Variants in MYO7B observed in about 807,000 individuals in gnomAD.
MYO7B encodes unconventional myosin-VIIb.
MYO7B carries 212 observed loss-of-function variants against 259.7 expected under a neutral mutation model. The observed-to-expected ratio is 0.82, with a 90% CI of 0.73 to 0.91. The LOEUF is 0.91. MYO7B is among the 40% of genes least tolerant of loss of function. The pLI is 0.00. For synonymous variants in MYO7B, 1,197 were observed against 1,166.4 expected (o/e 1.03, Z -0.54); for missense variants, 2,732 against 2,813.5 (o/e 0.97, Z 0.66).
At chr2:127,548,519 G>C (rs942379956) in intron 1 of MYO7B, among the ~76,000 whole-genome samples, 1 of 151,138 alleles carries the variant, frequency 6.6e-6, no homozygotes, top group Non-Finnish European at 1.5e-5. Context: ...AGGTTCAAGC[G>C]ATTCTCCTGC....
At chr2:127,605,452 T>A (rs1680126812) in intron 19 of MYO7B, among the ~76,000 whole-genome samples, 1 of 152,136 alleles carries the variant, frequency 6.6e-6, no homozygotes, top group Admixed American at 6.5e-5. Context: ...AAAAATTAGC[T>A]GGGCGTGGTG....
chr2:127,607,355 A>C lies in MYO7B; in HGVS notation c.2574A>C (p.Ala858=). The change falls in exon 21 of 48, where the codon GCA becomes GCC. Residue 858 remains alanine, a synonymous_variant. Transcript: ENST00000409816. The surrounding 1 kb of genome is among the most constrained non-coding windows in gnomAD (Gnocchi z 4.4). ...VRQQVQAKRR[A]VVVIQAHARG... The stretch of plus-strand genomic sequence containing the variant: ...AGCAAGTCCAGGCCAAGAGGAGGGC[A>C]GTGGTGGTCATTCAGGCCCATGCCA... The C allele has an allele frequency of 1.3e-6, 2 of 1,551,460 alleles. No individual in the cohort carries two copies. The highest frequency in any genetic ancestry group is 1.7e-6 in the Non-Finnish European group (2 of 1,146,858).
Position 127,584,762 on chromosome 2 carries a change from G to A in MYO7B, c.1555-16G>A, listed in dbSNP as rs373438202. 7 of 1,613,524 alleles carry A rather than the reference G, an allele frequency of 4.3e-6. No homozygotes were observed. The African/African-American group carries it at 5.3e-5, about 12-fold the overall frequency. ...ACTCTGGGACCTCAGCCCACAGGGT[G>A]TCTGGGTTCTTCCAGGGGACAGATC... On this transcript the variant is annotated splice_polypyrimidine_tract_variant and intron_variant, in intron 13 of 47. Coordinates refer to ENST00000409816, the MANE Select transcript of MYO7B (RefSeq NM_001393586.1). The surrounding 1 kb of genome is among the most constrained non-coding windows in gnomAD (Gnocchi z 5.8).
At chr2:127,612,626 GC>G in intron 26 of MYO7B, 23 bp downstream of exon 26, 1 of 1,606,098 alleles carries the variant, frequency 6.2e-7, no homozygotes. Context: ...TCCCATCCCG[GC>G]CCCATTCAGA....
intron 16 of MYO7B, 95 bp from the exon 17 acceptor site, chr2:127,592,698 CT>C (rs1679603904): frequency 6.7e-7 from 1 of 1,489,444 alleles, no homozygotes; most frequent in South Asian, 1.3e-5. Context: ...ACACTGACCT[CT>C]GGCTGTGGGC....
intron 18 of MYO7B, among the ~76,000 whole-genome samples, chr2:127,595,009 C>T (rs1018082524): frequency 1.3e-5 from 2 of 152,060 alleles, no homozygotes; most frequent in East Asian, 1.9e-4. Context: ...GGGAGGAGTC[C>T]CTGCTTTTCA....
chr2:127,583,185 G>A (rs933816496), intron 12 of MYO7B, among the ~76,000 whole-genome samples: 3 of 152,260 alleles, frequency 2.0e-5, no homozygotes, highest in African/African-American at 7.2e-5. Flanking sequence ...CCAGGAAGCA[G>A]AGCTCCTCTG....
rs13006332 is a variant in MYO7B at position 127,577,696 on chromosome 2, C to T, written c.850-437C>T. 0.026 allele frequency among the ~76,000 whole-genome samples: 3,931 copies of T among 152,306 alleles called. 68 individuals carry two copies. Among genetic ancestry groups the T allele is most frequent in the Middle Eastern group, 0.051 (15 of 294 alleles). ...CTCCACCTCTCGATAGGGCTGGCCC[C>T]GGCCCCTGTGGTCTGGGCACCTGTA... On this transcript the variant is annotated intron_variant, in intron 8 of 47. Transcript: ENST00000409816. The surrounding 1 kb of genome is among the most constrained non-coding windows in gnomAD (Gnocchi z 5.2).
At chr2:127,536,322 G>A (rs545475692) in intron 1 of MYO7B, among the ~76,000 whole-genome samples, 3 of 152,282 alleles carry the variant, frequency 2.0e-5, no homozygotes, top group Non-Finnish European at 4.4e-5. Flanking sequence ...CCATGGAAGC[G>A]AAGGTGCCCA....
Position 127,636,312 on chromosome 2 carries a change from CTTCGAGG to C in MYO7B, c.6113_6119del (p.Phe2038Ter). The C allele has an allele frequency of 1.9e-6, 3 of 1,613,286 alleles. No individual in the cohort carries two copies. Among genetic ancestry groups the C allele is most frequent in the Non-Finnish European group, 2.5e-6 (3 of 1,179,702 alleles). On this transcript the variant is annotated frameshift_variant, in exon 45 of 48. Coordinates refer to ENST00000409816, the MANE Select transcript of MYO7B (RefSeq NM_001393586.1). LOFTEE classifies it high-confidence loss of function. This position sits in a 1 kb window ranked among gnomAD's most constrained non-coding sequence, Gnocchi z 4.5. ...GGTGGCCCACCTTCGGATCCGCCTT[CTTCGAGG>C]TGAAGGTAAACCTTGCCCCACGCCA...
At chr2:127,630,028 C>T (rs971481306) in intron 35 of MYO7B, among the ~76,000 whole-genome samples, 1 of 152,220 alleles carries the variant, frequency 6.6e-6, no homozygotes, top group Non-Finnish European at 1.5e-5. Context: ...AGTAGGTCCT[C>T]AATAAATGGG....
In MYO7B at chr2:127,592,952, C is replaced by A; in HGVS notation, c.2145+6C>A. On this transcript the variant is annotated splice_donor_region_variant and intron_variant, in intron 17 of 47. Transcript: ENST00000409816. ...CCAACGCCATGCGGATGCAGGTCAG[C>A]GCCCCTCGGGGACGGTCACCTCTGG... The A allele has an allele frequency of 1.9e-6, 3 of 1,580,076 alleles. No homozygotes were observed. The highest frequency in any genetic ancestry group is 2.6e-6 in the Non-Finnish European group (3 of 1,164,028).
chr2:127,628,407 C>T lies in MYO7B; in HGVS notation c.4496C>T (p.Thr1499Met), dbSNP rs147310604. The stretch of plus-strand genomic sequence containing the variant: ...GGCGGGCAGAGGCTGCTGCTCTCCA[C>T]GATGCATGAGGAGTACGAGTTTGTG... ...AQGGQRLLLSTMHEEYEFVSP... is the reference protein window; with the variant it reads ...AQGGQRLLLSMMHEEYEFVSP... The change falls in exon 34 of 48, where the codon ACG (threonine) becomes ATG (methionine). Residue 1499 changes from threonine to methionine, a missense_variant. Thr to Met is a moderately conservative substitution (Grantham distance 81). Transcript: ENST00000409816. This position sits in a 1 kb window ranked among gnomAD's most constrained non-coding sequence, Gnocchi z 4.8. The T allele has an allele frequency of 1.6e-3, 2,617 of 1,601,038 alleles. 41 individuals carry two copies. In the African/African-American group the frequency reaches 0.031, roughly 19 times the overall value.
At chr2:127,552,654 G>C (rs1693489969) in intron 1 of MYO7B, among the ~76,000 whole-genome samples, 1 of 152,172 alleles carries the variant, frequency 6.6e-6, no homozygotes, top group Non-Finnish European at 1.5e-5. Context: ...GATGGGGCAT[G>C]CCTGGAGGTC....
intron 1 of MYO7B, among the ~76,000 whole-genome samples, chr2:127,558,810 A>T (rs1573618516): frequency 1.3e-5 from 2 of 152,328 alleles, no homozygotes; most frequent in East Asian, 3.9e-4. Context: ...CAAACATCGT[A>T]TGTTCTCACT....
intron 6 of MYO7B, among the ~76,000 whole-genome samples, chr2:127,572,300 T>A (rs1678669030): frequency 6.6e-6 from 1 of 151,060 alleles, no homozygotes. Flanking sequence ...GCGCCTATAA[T>A]CCCATCTACT....
intron 30 of MYO7B, 51 bp downstream of exon 30, chr2:127,624,371 T>C (rs1681002169): frequency 6.6e-7 from 1 of 1,506,912 alleles, no homozygotes; most frequent in African/African-American, 1.4e-5. Context: ...TCAGGAAACA[T>C]CCCATAGAGG....
At chr2:127,592,478 C>T (rs952664345) in intron 16 of MYO7B, among the ~76,000 whole-genome samples, 2 of 152,208 alleles carry the variant, frequency 1.3e-5, no homozygotes, top group Non-Finnish European at 2.9e-5. Flanking sequence ...TTTACATTCA[C>T]AGCGCTTCGA....
intron 30 of MYO7B, 97 bp downstream of exon 30, chr2:127,624,417 T>TG (rs1034524244): frequency 8.1e-5 from 84 of 1,032,560 alleles, no homozygotes; most frequent in Middle Eastern, 4.3e-4. Context: ...AGGTAGAAGG[T>TG]GGGGGGGCAG....
Sources: allele counts gnomAD v4.1 joint callset (sites outside exome capture counted in the v4.1 genomes callset), GRCh38; gene constraint gnomAD v4.1.1; non-coding constraint Gnocchi (gnomAD v3.1); transcripts MANE v1.5; gene names NCBI Gene and HGNC (gene_info 2026-07-23, HGNC 2026-07-21).